The following NKIRAS1 variants were observed in gnomAD, a reference collection of about 807,000 sequenced individuals.
The protein encoded by NKIRAS1 is NF-kappa-B inhibitor-interacting Ras-like protein 1.
Under a neutral mutation model 19.8 loss-of-function variants are expected in NKIRAS1, and 16 were observed. The ratio of observed to expected loss-of-function variants is 0.81; its 90% confidence interval spans 0.55 to 1.23. The LOEUF (loss-of-function observed/expected upper bound fraction) is 1.23. NKIRAS1 is among the 50% of genes most tolerant of loss of function. The pLI is 0.00. For synonymous variants in NKIRAS1, 88 were observed against 79.0 expected (o/e 1.11, Z -0.61); for missense variants, 184 against 220.0 (o/e 0.84, Z 1.04).
Position 23,900,861 on chromosome 3 carries a change from G to C in NKIRAS1, c.283C>G (p.Gln95Glu). ...TCTTTCTTCAGAAGCTCCACTCTTT[G>C]AAAGGATTCAAGGTTATTCACACTG... ...VYSVNNLESF[Q>E]RVELLKKEID... Residue 95 changes from glutamine (Q) to glutamate (E), a missense_variant, in exon 4 of 5, where the codon CAA becomes GAA. Transcript: ENST00000425478. 6.2e-7 allele frequency: 1 copy of C among 1,613,816 alleles called. No individual in the cohort carries two copies. Among genetic ancestry groups the C allele is most frequent in the Non-Finnish European group, 8.5e-7 (1 of 1,179,814 alleles).
intron 3 of NKIRAS1, among the ~76,000 whole-genome samples, chr3:23,905,569 C>A (rs1324949119): frequency 6.6e-6 from 1 of 151,898 alleles, no homozygotes; most frequent in Non-Finnish European, 1.5e-5. Context: ...TTTGAGGAGA[C>A]CCTCCATAAA....
In NKIRAS1 at chr3:23,890,041, A is replaced by AC. The variant is rs1701337786; in HGVS notation, c.*3053dup. Among the ~76,000 whole-genome samples the AC allele has an allele frequency of 6.6e-6, 1 of 152,202 alleles. No homozygotes were observed. Among genetic ancestry groups the AC allele is most frequent in the South Asian group, 2.1e-4 (1 of 4,828 alleles). ...TTGGAGGTCCAGGTTTTGCCTGGCA[A>AC]CCTGGCTCTTTAACCAGCGTAAAGG... On this transcript the variant is annotated 3_prime_UTR_variant, in exon 5 of 5. Coordinates refer to ENST00000425478, the MANE Select transcript of NKIRAS1 (RefSeq NM_020345.4).
At chr3:23,945,622 G>T in intron 1 of NKIRAS1, 1 of 1,151,992 alleles carries the variant, frequency 8.7e-7, no homozygotes. Flanking sequence ...GCGGGTGGGG[G>T]ATGGCCGGAG....
intron 1 of NKIRAS1, among the ~76,000 whole-genome samples, chr3:23,941,240 GC>G (rs1004200835): frequency 1.3e-5 from 2 of 151,908 alleles, no homozygotes; most frequent in African/African-American, 4.8e-5. Context: ...TTTTCCTAAT[GC>G]CCCTCCTTCA....
At chr3:23,932,475 G>A (rs1036098316) in intron 1 of NKIRAS1, among the ~76,000 whole-genome samples, 1 of 152,024 alleles carries the variant, frequency 6.6e-6, no homozygotes, top group Non-Finnish European at 1.5e-5. Context: ...GATCACCTGA[G>A]GTCGGGAGTC....
intron 1 of NKIRAS1, among the ~76,000 whole-genome samples, chr3:23,939,549 C>T (rs1419478885): frequency 6.6e-6 from 1 of 152,134 alleles, no homozygotes; most frequent in Non-Finnish European, 1.5e-5. Flanking sequence ...CGAGAACAGC[C>T]TGACCAACAT....
intron 1 of NKIRAS1, among the ~76,000 whole-genome samples, chr3:23,928,858 G>C (rs1486332521): frequency 6.6e-6 from 1 of 151,768 alleles, no homozygotes; most frequent in Non-Finnish European, 1.5e-5. Flanking sequence ...CAGGTGTGGC[G>C]GTGTGCGCTG....
intron 3 of NKIRAS1, among the ~76,000 whole-genome samples, chr3:23,906,888 G>C (rs960036819): frequency 6.6e-6 from 1 of 151,386 alleles, no homozygotes; most frequent in Non-Finnish European, 1.5e-5. Context: ...TTTAAAGCAG[G>C]TTTTTGTTTT....
At chr3:23,919,232 C>T (rs1575121160), upstream of NKIRAS1, 2 of 1,613,822 alleles carry the variant, frequency 1.2e-6, no homozygotes, top group Non-Finnish European at 1.7e-6. Flanking sequence ...TCTGAGAGTC[C>T]TGAATTCTTA....
rs1575125554 is a variant in NKIRAS1 at position 23,922,715 on chromosome 3, A to T, written c.-139-11265T>A. ...TAAAGTTTTTGATAGATAATACATT[A>T]ACGTTAAAAATTCAAAAGATAAGTA... On this transcript the variant is annotated intron_variant, in intron 1 of 4. Coordinates refer to the NKIRAS1 transcript ENST00000421515. The surrounding 1 kb of genome is among the most constrained non-coding windows in gnomAD (Gnocchi z 4.2). The T allele has an allele frequency of 1.3e-5, 2 of 152,208 alleles. No individual in the cohort carries two copies. The highest frequency in any genetic ancestry group is 3.8e-4 in the East Asian group (2 of 5,198). The allele number at this position is 152,208 out of a possible 1,614,324, so 9.4% of individuals were successfully genotyped here.
chr3:23,903,304 G>A (rs958938637), intron 3 of NKIRAS1, among the ~76,000 whole-genome samples: 4 of 152,018 alleles, frequency 2.6e-5, no homozygotes, highest in Non-Finnish European at 5.9e-5. Context: ...TTGTATAGAT[G>A]GGGTTTCACC....
chr3:23,894,141 T>C (rs1038840349), intron 4 of NKIRAS1, among the ~76,000 whole-genome samples: 6 of 152,230 alleles, frequency 3.9e-5, no homozygotes, highest in Non-Finnish European at 8.8e-5. Flanking sequence ...AGGAACATTT[T>C]ACACGAATGC....
chr3:23,903,492 G>C (rs893708236), intron 3 of NKIRAS1, among the ~76,000 whole-genome samples: 5 of 152,006 alleles, frequency 3.3e-5, no homozygotes, highest in African/African-American at 1.2e-4. Flanking sequence ...AACAAGAAGA[G>C]ACCGCTACAG....
chr3:23,921,814 A>C, upstream of NKIRAS1: 1 of 559,402 alleles, frequency 1.8e-6, no homozygotes, highest in Non-Finnish European at 3.1e-6. Context: ...ACCTCAAGTG[A>C]TCCACCTGCC....
At chr3:23,937,324 CTCTG>C (rs1459954461) in intron 1 of NKIRAS1, among the ~76,000 whole-genome samples, 1 of 151,642 alleles carries the variant, frequency 6.6e-6, no homozygotes, top group Non-Finnish European at 1.5e-5. Context: ...GGGCCATAGA[CTCTG>C]TCTGGAAAAA....
rs969798533 is a variant in NKIRAS1, at chr3:23,946,049, G to C, written c.-140+274C>G. On this transcript the variant is annotated intron_variant, in intron 1 of 4. Transcript: ENST00000421515. ...GGCGGGGGCGCGCGCGCGCGCGCTG[G>C]CTGGGAGCGCCGCAGCCTCCCGGGA... 4 of 964,442 alleles carry C rather than the reference G, an allele frequency of 4.1e-6. No homozygotes were observed. In the African/African-American group the frequency reaches 7.1e-5, roughly 17 times the overall value. The allele number at this position is 964,442 out of a possible 1,614,324, so 59.7% of individuals were successfully genotyped here.
Position 23,891,061 on chromosome 3 carries a change from A to G in NKIRAS1, c.*2034T>C, listed in dbSNP as rs1335036252. The G allele has an allele frequency of 3.3e-5, 5 of 153,050 alleles. No homozygotes were observed. The highest frequency in any genetic ancestry group is 1.2e-4 in the African/African-American group (5 of 41,480). The allele number at this position is 153,050 out of a possible 1,614,324, so 9.5% of individuals were successfully genotyped here. The stretch of plus-strand genomic sequence containing the variant: ...GTTTTTAGAGATTGTCATCTCATAT[A>G]TATAAAATGGACACGTGGCTATAAA... On this transcript the variant is annotated 3_prime_UTR_variant, in exon 5 of 5. Transcript: ENST00000425478.
intron 3 of NKIRAS1, among the ~76,000 whole-genome samples, chr3:23,906,740 G>C (rs1445080169): frequency 2.6e-5 from 4 of 151,794 alleles, no homozygotes; most frequent in Admixed American, 2.6e-4. Flanking sequence ...CAGTCTGGGA[G>C]ACACAGATTT....
rs769899987 is a variant in NKIRAS1 at position 23,900,889 on chromosome 3, C to T, written c.255G>A (p.Val85=). The change falls in exon 4 of 5, where the codon GTG becomes GTA. Residue 85 remains valine, a synonymous_variant. Coordinates refer to ENST00000425478, the MANE Select transcript of NKIRAS1 (RefSeq NM_020345.4). ...AGGATTCAAGGTTATTCACACTGTA[C>T]ACAAGAACGAAGCCATCAGCAAATG... ...YFSFADGFVL[V]YSVNNLESFQ... The T allele has an allele frequency of 6.2e-7, 1 of 1,613,930 alleles. No individual in the cohort carries two copies. The highest frequency in any genetic ancestry group is 8.5e-7 in the Non-Finnish European group (1 of 1,179,922).
Sources: allele counts gnomAD v4.1 joint callset (sites outside exome capture counted in the v4.1 genomes callset), GRCh38; gene constraint gnomAD v4.1.1; non-coding constraint Gnocchi (gnomAD v3.1); transcripts MANE v1.5; gene names NCBI Gene and HGNC (gene_info 2026-07-23, HGNC 2026-07-21).